Variants in CHD7 observed in about 807,000 individuals in gnomAD.
The protein encoded by CHD7 is ATP-dependent chromatin remodeler CHD7.
Under a neutral mutation model 307.3 loss-of-function variants are expected in CHD7, and 24 were observed. The ratio of observed to expected loss-of-function variants is 0.08; its 90% CI spans 0.06 to 0.11. CHD7 has a LOEUF of 0.11. Ranked by LOEUF, CHD7 falls within the 10% of genes least tolerant of loss-of-function variation. The pLI, the probability that CHD7 is intolerant of heterozygous loss-of-function variation, is 1.00. For missense variants in CHD7, 3,106 were observed against 3,727.1 expected (o/e 0.83, Z 4.34); for synonymous variants, 1,363 against 1,349.9 (o/e 1.01, Z -0.21).
At chr8:60,775,813 A>G (rs1810923442) in intron 2 of CHD7, among the ~76,000 whole-genome samples, 2 of 152,234 alleles carry the variant, frequency 1.3e-5, no homozygotes, top group African/African-American at 4.8e-5. Flanking sequence ...GCTGGAGTAC[A>G]GTGGCGTGAT....
intron 9 of CHD7, among the ~76,000 whole-genome samples, chr8:60,821,416 T>C (rs1358102691): frequency 6.6e-6 from 1 of 152,042 alleles, no homozygotes; most frequent in Non-Finnish European, 1.5e-5. Context: ...GGAACAGCTG[T>C]TTATGGCCAT....
At chr8:60,692,333 C>A (rs1806238942) in intron 1 of CHD7, among the ~76,000 whole-genome samples, 2 of 152,072 alleles carry the variant, frequency 1.3e-5, no homozygotes, top group African/African-American at 4.8e-5. Flanking sequence ...AGATAGATTG[C>A]TTTGTATTTA....
At chr8:60,803,969 C>T (rs1040461530) in intron 6 of CHD7, among the ~76,000 whole-genome samples, 1 of 152,152 alleles carries the variant, frequency 6.6e-6, no homozygotes, top group Non-Finnish European at 1.5e-5. Context: ...CAGAGCCTGT[C>T]CCTGCATGGT....
intron 2 of CHD7, among the ~76,000 whole-genome samples, chr8:60,755,180 G>A (rs979670236): frequency 2.6e-5 from 4 of 152,054 alleles, no homozygotes; most frequent in Admixed American, 6.5e-5. Context: ...AGGTTTTAAA[G>A]TGTGGAAGAC....
rs184622495 is a variant in CHD7 at position 60,710,945 on chromosome 8, A to C, written c.-174-30314A>C. On this transcript the variant is annotated intron_variant, in intron 1 of 37. Transcript: ENST00000423902. ...CTTTGGAAAGTTACACTAGGCGATG[A>C]AAGAGGGTAATAAAACATATTTTTT... 4.3e-4 allele frequency among the ~76,000 whole-genome samples: 66 copies of C among 152,382 alleles called. No individual in the cohort carries two copies. The East Asian group carries it at 8.3e-3, about 19-fold the overall frequency.
intron 7 of CHD7, among the ~76,000 whole-genome samples, chr8:60,812,753 T>C (rs1026530498): frequency 6.6e-6 from 1 of 151,864 alleles, no homozygotes; most frequent in Non-Finnish European, 1.5e-5. Context: ...TTTATTTTAT[T>C]TATTTTTTTA....
At chr8:60,736,467 G>A (rs181928524) in intron 1 of CHD7, among the ~76,000 whole-genome samples, 111 of 152,286 alleles carry the variant, frequency 7.3e-4, no homozygotes, top group African/African-American at 2.5e-3. Context: ...ATTGAGAGGT[G>A]TCTCCATGGG....
At chr8:60,701,634 A>G (rs919117012) in intron 1 of CHD7, among the ~76,000 whole-genome samples, 1 of 152,160 alleles carries the variant, frequency 6.6e-6, no homozygotes, top group Non-Finnish European at 1.5e-5. Context: ...CTTTTCTTGG[A>G]CACCTTTTTA....
chr8:60,852,131 G>A lies in CHD7; in HGVS notation c.5778G>A (p.Arg1926=), dbSNP rs1805480205. Residue 1926 remains arginine, a synonymous_variant, in exon 29 of 38, where the codon AGG becomes AGA. Transcript: ENST00000423902. ...CTGCCTATCAGCGCAGCTATAAAAG[G>A]CAACAGATGAGGCAAGAGGCCCTAA... ...LITAYQRSYK[R]QQMRQEALMK... is the part of the protein sequence containing the mutation. The A allele has an allele frequency of 1.1e-5, 17 of 1,613,876 alleles. No individual in the cohort carries two copies. Among genetic ancestry groups the A allele is most frequent in the Middle Eastern group, 1.6e-4 (1 of 6,084 alleles).
chr8:60,746,725 T>A (rs1435443286), intron 2 of CHD7, among the ~76,000 whole-genome samples: 1 of 152,216 alleles, frequency 6.6e-6, no homozygotes, highest in Non-Finnish European at 1.5e-5. Flanking sequence ...AAAGATAAGT[T>A]TAACTTTATA....
intron 13 of CHD7, among the ~76,000 whole-genome samples, chr8:60,827,006 A>G (rs1804281232): frequency 6.6e-6 from 1 of 152,178 alleles, no homozygotes; most frequent in Admixed American, 6.5e-5. Flanking sequence ...GTAATCGTGT[A>G]TTTTTTAATT....
At chr8:60,759,367 T>C (rs1342850471) in intron 2 of CHD7, among the ~76,000 whole-genome samples, 1 of 151,818 alleles carries the variant, frequency 6.6e-6, no homozygotes, top group South Asian at 2.1e-4. Flanking sequence ...TGCTGTTTGC[T>C]TCTCTCCCTC....
At chr8:60,849,442 A>G (rs181217199) in intron 25 of CHD7, among the ~76,000 whole-genome samples, 2 of 152,318 alleles carry the variant, frequency 1.3e-5, no homozygotes, top group East Asian at 3.9e-4. Context: ...AGCTCTCCCT[A>G]AACTTTGCTT....
At chr8:60,804,064 T>TG (rs1231563769) in intron 6 of CHD7, among the ~76,000 whole-genome samples, 1 of 152,210 alleles carries the variant, frequency 6.6e-6, no homozygotes, top group Admixed American at 6.5e-5. Context: ...TCCATTATGA[T>TG]GGAGTTGTGC....
chr8:60,772,587 TCCAGACAC>T (rs1270655406), intron 2 of CHD7, among the ~76,000 whole-genome samples: 1 of 152,170 alleles, frequency 6.6e-6, no homozygotes, highest in Non-Finnish European at 1.5e-5. Context: ...AATTCAAACT[TCCAGACAC>T]CTCTTTGAGA....
intron 2 of CHD7, among the ~76,000 whole-genome samples, chr8:60,761,415 C>T (rs892298290): frequency 6.6e-5 from 10 of 151,648 alleles, no homozygotes; most frequent in Non-Finnish European, 1.0e-4. Flanking sequence ...ATGGGTGCAG[C>T]GCACCAGCAT....
intron 13 of CHD7, among the ~76,000 whole-genome samples, chr8:60,827,758 C>G (rs945698583): frequency 2.0e-5 from 3 of 151,780 alleles, no homozygotes; most frequent in Admixed American, 1.3e-4. Flanking sequence ...TTACCTCATT[C>G]ATCTAGTATT....
Position 60,742,248 on chromosome 8 carries a change from T to C in CHD7, c.816T>C (p.Ser272=). 1 of 1,613,718 alleles carries C rather than the reference T, an allele frequency of 6.2e-7. No homozygotes were observed. The highest frequency in any genetic ancestry group is 8.5e-7 in the Non-Finnish European group (1 of 1,179,830). The change falls in exon 2 of 38, where the codon AGT becomes AGC. Residue 272 remains serine, a synonymous_variant. Coordinates refer to ENST00000423902, the MANE Select transcript of CHD7 (RefSeq NM_017780.4). ...TALHGESVAH[S]PRFSPNPPQQ... is the part of the protein sequence containing the mutation. ...TCCATGGAGAATCCGTTGCCCACAG[T>C]CCCAGATTCTCCCCGAATCCTCCCC...
At chr8:60,787,446 TACAC>T (rs1003060471) in intron 3 of CHD7, among the ~76,000 whole-genome samples, 1 of 152,222 alleles carries the variant, frequency 6.6e-6, no homozygotes, top group African/African-American at 2.4e-5. Context: ...CTTGGAAAGA[TACAC>T]TATGATAAAA....
Sources: gnomAD v4.1 joint callset for allele counts (sites outside exome capture counted in the v4.1 genomes callset) on GRCh38, gnomAD v4.1.1 for gene constraint, MANE v1.5 for transcripts, NCBI Gene and HGNC (gene_info 2026-07-23, HGNC 2026-07-21) for gene names.